The following GABRB3 variants were observed in gnomAD, a reference collection of about 807,000 sequenced individuals.
The protein encoded by GABRB3 is gamma-aminobutyric acid receptor subunit beta-3.
GABRB3 carries 14 observed loss-of-function variants against 52.1 expected under a neutral mutation model. The observed-to-expected ratio is 0.27, with a 90% confidence interval of 0.18 to 0.42. The LOEUF is 0.42. GABRB3 is among the 10% of genes least tolerant of loss of function. The pLI, the probability that GABRB3 is intolerant of heterozygous loss-of-function variation, is 1.00. For synonymous variants in GABRB3, 260 were observed against 232.3 expected, an observed-to-expected ratio of 1.12 and a Z score of -1.08; for missense variants, 307 against 609.1, an observed-to-expected ratio of 0.50 and a Z score of 5.22.
At position 26,550,686 on chromosome 15, in the gene GABRB3, T is replaced by C. The variant is rs953583841; in HGVS notation, c.1081-2552A>G. Among the ~76,000 whole-genome samples the C allele has an allele frequency of 4.1e-5, 6 of 147,632 alleles. No homozygotes were observed. In the Admixed American group the frequency reaches 4.2e-4, roughly 10 times the overall value. ...TGTATTTGACCAAGCACCTGAATGA[T>C]TCTGGAAGCACAGTTAACCCCAGAG... On this transcript the variant is annotated intron_variant, in intron 8 of 8. Coordinates refer to ENST00000311550, the MANE Select transcript of GABRB3 (RefSeq NM_000814.6).
chr15:26,735,331 C>A (rs1209700632), intron 3 of GABRB3, among the ~76,000 whole-genome samples: 1 of 152,260 alleles, frequency 6.6e-6, no homozygotes, highest in South Asian at 2.1e-4. Context: ...AACAGTGTGG[C>A]CTTTATAAAG....
intron 4 of GABRB3, among the ~76,000 whole-genome samples, chr15:26,604,697 A>T (rs1283377978): frequency 6.6e-6 from 1 of 151,788 alleles, no homozygotes; most frequent in Non-Finnish European, 1.5e-5. Flanking sequence ...TGGTCCTGGG[A>T]AAACTGGATA....
intron 3 of GABRB3, among the ~76,000 whole-genome samples, chr15:26,731,284 C>T (rs1436030255): frequency 1.3e-5 from 2 of 152,204 alleles, no homozygotes; most frequent in Non-Finnish European, 2.9e-5. Context: ...TACATACTTA[C>T]TACAATGAGC....
At chr15:26,624,745 T>C in intron 3 of GABRB3, 1 of 984,654 alleles carries the variant, frequency 1.0e-6, no homozygotes, top group Non-Finnish European at 1.2e-6. Context: ...AGTGTCCTCC[T>C]TTTTTTCTGG....
chr15:26,715,105 A>T (rs1889425772), intron 3 of GABRB3, among the ~76,000 whole-genome samples: 1 of 152,144 alleles, frequency 6.6e-6, no homozygotes, highest in African/African-American at 2.4e-5. Flanking sequence ...CAGCTCCTTG[A>T]GGACCTGGGG....
intron 3 of GABRB3, 116 bp downstream of exon 3, chr15:26,772,286 G>A: frequency 1.1e-6 from 1 of 901,704 alleles, no homozygotes; most frequent in South Asian, 1.6e-5. Context: ...CTCCCTCTGC[G>A]GACCGGGGAA....
intron 3 of GABRB3, among the ~76,000 whole-genome samples, chr15:26,686,949 T>C (rs1888426152): frequency 6.6e-6 from 1 of 152,232 alleles, no homozygotes; most frequent in Non-Finnish European, 1.5e-5. Flanking sequence ...ACTGACAAGC[T>C]CAGCACAACA....
At chr15:26,699,129 T>G (rs1268026611) in intron 3 of GABRB3, among the ~76,000 whole-genome samples, 1 of 151,910 alleles carries the variant, frequency 6.6e-6, no homozygotes, top group African/African-American at 2.4e-5. Context: ...AGAGGAAAAT[T>G]TGTCAGAGTT....
chr15:26,562,923 T>C (rs1272948358), intron 7 of GABRB3, among the ~76,000 whole-genome samples: 1 of 152,250 alleles, frequency 6.6e-6, no homozygotes, highest in Non-Finnish European at 1.5e-5. Context: ...AGATTCTCTT[T>C]TAACATCACA....
intron 8 of GABRB3, among the ~76,000 whole-genome samples, chr15:26,557,132 G>A (rs1032829853): frequency 6.6e-6 from 1 of 152,150 alleles, no homozygotes; most frequent in African/African-American, 2.4e-5. Context: ...CAACAACATG[G>A]ATGGAGCTGG....
Position 26,546,591 on chromosome 15 carries a change from C to T in GABRB3, c.*1202G>A, listed in dbSNP as rs1461391014. On this transcript the variant is annotated 3_prime_UTR_variant, in exon 9 of 9. Coordinates refer to ENST00000311550, the MANE Select transcript of GABRB3 (RefSeq NM_000814.6). ...ATGTGCTTATGAAATATGTCAGATA[C>T]AGAAATAAAGGCATGAGGATGATTC... 1 of 152,310 alleles carries T rather than the reference C, an allele frequency of 6.6e-6. No homozygotes were observed. Among genetic ancestry groups the T allele is most frequent in the Non-Finnish European group, 1.5e-5 (1 of 67,996 alleles). 9.4% of individuals were successfully genotyped at this position (152,310 alleles called of 1,614,324 possible). A position where few individuals can be genotyped will look rare whatever the true frequency, so the allele number is the denominator to read the frequency against.
chr15:26,554,190 A>ATAAAGTGTGT (rs1567097853), intron 8 of GABRB3, among the ~76,000 whole-genome samples: 1 of 31,532 alleles, frequency 3.2e-5, no homozygotes, highest in African/African-American at 8.5e-5. Context: ...ATATATATAT[A>ATAAAGTGTGT]CTATATATAT....
chr15:26,715,406 T>C (rs890502648), intron 3 of GABRB3, among the ~76,000 whole-genome samples: 2 of 152,124 alleles, frequency 1.3e-5, no homozygotes, highest in African/African-American at 4.8e-5. Context: ...ACAGAGAATT[T>C]TTCCCTGCAG....
At chr15:26,623,817 T>C (rs546222435) in intron 3 of GABRB3, among the ~76,000 whole-genome samples, 167 of 152,026 alleles carry the variant, frequency 1.1e-3, no homozygotes, top group African/African-American at 3.8e-3. Context: ...GCAACCACAA[T>C]AAAGGCATTT....
chr15:26,688,519 G>A (rs1049286823), intron 3 of GABRB3, among the ~76,000 whole-genome samples: 1 of 152,222 alleles, frequency 6.6e-6, no homozygotes, highest in African/African-American at 2.4e-5. Flanking sequence ...ATTCAGAGAA[G>A]CAGAGGACTC....
chr15:26,628,972 T>G, intron 3 of GABRB3: 1 of 1,536,032 alleles, frequency 6.5e-7, no homozygotes, highest in Non-Finnish European at 8.7e-7. Flanking sequence ...GTCCCCGACT[T>G]TTACCTCTTC....
intron 3 of GABRB3, among the ~76,000 whole-genome samples, chr15:26,656,140 G>T (rs937247322): frequency 6.6e-6 from 1 of 152,096 alleles, no homozygotes; most frequent in African/African-American, 2.4e-5. Flanking sequence ...CTGTCAGGCC[G>T]CGTGGTACAG....
rs1453012489 is a variant in GABRB3, at chr15:26,547,852, C to T, written c.1363G>A (p.Val455Met). Reference protein sequence around the residue: ...VNAIDRWSRIVFPFTFSLFNL... With the variant: ...VNAIDRWSRIMFPFTFSLFNL... Reference sequence around the variant, plus strand: ...AAAAGAGAAAAAGTGAATGGAAACACGATCCTGGACCATCTGTCTATGGCA... The same window carrying T: ...AAAAGAGAAAAAGTGAATGGAAACATGATCCTGGACCATCTGTCTATGGCA... Residue 455 changes from valine (V) to methionine (M), a missense_variant, in exon 9 of 9, where the codon GTG becomes ATG. By Grantham distance (21) the Val-to-Met change is conservative (BLOSUM62 1). Transcript: ENST00000311550. The T allele has an allele frequency of 1.2e-6, 2 of 1,614,062 alleles. No individual in the cohort carries two copies. The highest frequency in any genetic ancestry group is 8.5e-7 in the Non-Finnish European group (1 of 1,180,014).
intron 8 of GABRB3, among the ~76,000 whole-genome samples, chr15:26,548,829 G>T (rs1595429544): frequency 6.6e-6 from 1 of 152,160 alleles, no homozygotes; most frequent in East Asian, 1.9e-4. Context: ...GATGCCAAAG[G>T]TCCATTCTGT....
Sources: gnomAD v4.1 joint callset for allele counts (sites outside exome capture counted in the v4.1 genomes callset) on GRCh38, gnomAD v4.1.1 for gene constraint, MANE v1.5 for transcripts, NCBI Gene and HGNC (gene_info 2026-07-23, HGNC 2026-07-21) for gene names.